Variants in NEGR1 observed in about 807,000 individuals in gnomAD.
NEGR1 encodes the protein neuronal growth regulator 1, also known as IgLON family member 4.
NEGR1 carries 10 observed loss-of-function variants against 40.9 expected under a neutral mutation model. That is an observed-to-expected ratio of 0.24 (90% CI 0.15 to 0.42). NEGR1 has a LOEUF of 0.42. Among genes scored for constraint, NEGR1 ranks in the 10% least tolerant of loss-of-function variants. The probability of loss-of-function intolerance (pLI) is 1.00; values close to 1 mark genes in which losing one functional copy is unlikely to be tolerated. For synonymous variants in NEGR1, 185 were observed against 166.8 expected, an observed-to-expected ratio of 1.11 and a Z score of -0.84; for missense variants, 352 against 438.9, an observed-to-expected ratio of 0.80 and a Z score of 1.77.
At chr1:71,803,201 G>T (rs11578097) in intron 2 of NEGR1, among the ~76,000 whole-genome samples, 4,817 of 152,088 alleles carry the variant, frequency 0.032, 269 homozygotes, top group African/African-American at 0.11. Context: ...TATAGTAAGA[G>T]GCAGAGACAT....
At chr1:71,478,816 T>TTA (rs1337716756) in intron 6 of NEGR1, among the ~76,000 whole-genome samples, 1 of 151,852 alleles carries the variant, frequency 6.6e-6, no homozygotes, top group Admixed American at 6.6e-5. Context: ...TTTTGGTGTG[T>TTA]TAGTAGTGGT....
At chr1:72,269,533 T>C (rs956926727) in intron 1 of NEGR1, among the ~76,000 whole-genome samples, 4 of 151,770 alleles carry the variant, frequency 2.6e-5, no homozygotes, top group Admixed American at 2.6e-4. Context: ...GATCAAATCA[T>C]GGTTATGCAT....
chr1:71,776,395 G>C, intron 2 of NEGR1, 98 bp from the exon 3 acceptor site: 3 of 677,304 alleles, frequency 4.4e-6, no homozygotes, highest in Non-Finnish European at 6.8e-6. Context: ...AAAGGTATGA[G>C]GGTGAAATGT....
At chr1:71,805,479 C>T (rs765338241) in intron 2 of NEGR1, among the ~76,000 whole-genome samples, 11 of 152,148 alleles carry the variant, frequency 7.2e-5, no homozygotes, top group East Asian at 1.9e-4. Context: ...TCAGACCAGC[C>T]GACACTTAGG....
At chr1:71,872,856 T>C (rs1660317003) in intron 2 of NEGR1, among the ~76,000 whole-genome samples, 1 of 152,058 alleles carries the variant, frequency 6.6e-6, no homozygotes. Flanking sequence ...CTGAAAACAC[T>C]CTTTCTTGTT....
In NEGR1 at chr1:71,992,080, C is replaced by T. The variant is rs11209881; in HGVS notation, c.177-56769G>A. On this transcript the variant is annotated intron_variant, in intron 1 of 6. Transcript: ENST00000357731. The stretch of plus-strand genomic sequence containing the variant: ...AAAGTGCTGGGATTACAGGTGTGAG[C>T]CGCTGTGCCCGGGCATGAGTTTACT... Among the ~76,000 whole-genome samples, 748 of 152,124 alleles carry T rather than the reference C, an allele frequency of 4.9e-3. 6 individuals are homozygous for T. Among genetic ancestry groups the T allele is most frequent in the African/African-American group, 0.017 (723 of 41,492 alleles).
At chr1:72,244,681 T>C (rs1010326051) in intron 1 of NEGR1, among the ~76,000 whole-genome samples, 1 of 152,018 alleles carries the variant, frequency 6.6e-6, no homozygotes, top group East Asian at 1.9e-4. Flanking sequence ...GTTAGAGTCC[T>C]GTATCTCCTG....
intron 2 of NEGR1, among the ~76,000 whole-genome samples, chr1:71,903,238 G>A (rs1557694457): frequency 6.6e-6 from 1 of 151,798 alleles, no homozygotes; most frequent in Non-Finnish European, 1.5e-5. Context: ...CATTGTGATG[G>A]TATGTAAACA....
intron 1 of NEGR1, among the ~76,000 whole-genome samples, chr1:72,262,408 A>G (rs902796132): frequency 1.3e-5 from 2 of 151,998 alleles, no homozygotes; most frequent in Admixed American, 6.6e-5. Flanking sequence ...AGAAGAATAC[A>G]CAGGGTTCAT....
intron 1 of NEGR1, among the ~76,000 whole-genome samples, chr1:72,198,983 C>A (rs998578305): frequency 1.3e-4 from 20 of 151,926 alleles, no homozygotes; most frequent in African/African-American, 4.3e-4. Context: ...CACCACAGTA[C>A]ATTTTTAAAA....
intron 6 of NEGR1, among the ~76,000 whole-genome samples, chr1:71,588,525 G>A (rs1025098981): frequency 3.9e-5 from 6 of 152,048 alleles, no homozygotes; most frequent in Admixed American, 2.0e-4. Flanking sequence ...TAGCTTTCCT[G>A]TAGTTTTTCC....
In NEGR1 at chr1:71,439,498, G is replaced by A. The variant is rs1646532664; in HGVS notation, c.941-31928C>T. Among the ~76,000 whole-genome samples the A allele has an allele frequency of 2.6e-5, 4 of 152,114 alleles. No individual in the cohort carries two copies. The South Asian group carries it at 8.3e-4, about 32-fold the overall frequency. On this transcript the variant is annotated intron_variant, in intron 6 of 6. Coordinates refer to ENST00000357731, the MANE Select transcript of NEGR1 (RefSeq NM_173808.3). ...CTACCTTAGCCTCCGGAGTAGCTGG[G>A]ACTACAGGCACATGCCACTAAACTC...
At chr1:71,671,990 T>G (rs1336563233) in intron 4 of NEGR1, among the ~76,000 whole-genome samples, 2 of 150,938 alleles carry the variant, frequency 1.3e-5, no homozygotes. Context: ...TGCCTCAGCC[T>G]CGCAAAGTGG....
chr1:72,171,796 T>C (rs1444534367), intron 1 of NEGR1, among the ~76,000 whole-genome samples: 1 of 152,330 alleles, frequency 6.6e-6, no homozygotes, highest in Middle Eastern at 3.4e-3. Context: ...TGAAACATTA[T>C]TGTTTTGTGA....
At chr1:72,173,926 G>C (rs985317236) in intron 1 of NEGR1, among the ~76,000 whole-genome samples, 2 of 152,054 alleles carry the variant, frequency 1.3e-5, no homozygotes, top group African/African-American at 4.8e-5. Context: ...CTGGGCTACA[G>C]AGTGAGACTC....
At chr1:71,436,907 T>C (rs2101305627) in intron 6 of NEGR1, among the ~76,000 whole-genome samples, 1 of 152,312 alleles carries the variant, frequency 6.6e-6, no homozygotes, top group East Asian at 1.9e-4. Context: ...ATGTCATCAG[T>C]AAGGCTTCTA....
chr1:71,438,677 A>T (rs957739117), intron 6 of NEGR1, among the ~76,000 whole-genome samples: 13 of 152,200 alleles, frequency 8.5e-5, no homozygotes, highest in African/African-American at 3.1e-4. Flanking sequence ...TGCTGTGATG[A>T]ACTGGTCTTT....
intron 4 of NEGR1, among the ~76,000 whole-genome samples, chr1:71,632,207 CTCTT>C (rs1650991017): frequency 6.6e-6 from 1 of 151,540 alleles, no homozygotes; most frequent in African/African-American, 2.4e-5. Flanking sequence ...TCAGTATAAT[CTCTT>C]TCTTGATGTG....
intron 1 of NEGR1, among the ~76,000 whole-genome samples, chr1:72,225,296 C>A (rs1181171400): frequency 6.6e-6 from 1 of 151,836 alleles, no homozygotes; most frequent in Non-Finnish European, 1.5e-5. Flanking sequence ...ATAACAATAT[C>A]CTTCATTTCT....
Sources: allele counts gnomAD v4.1 joint callset (sites outside exome capture counted in the v4.1 genomes callset), GRCh38; gene constraint gnomAD v4.1.1; transcripts MANE v1.5; gene names NCBI Gene and HGNC (gene_info 2026-07-23, HGNC 2026-07-21).